The following PPP2R2C variants were observed in gnomAD, a reference collection of about 807,000 sequenced individuals.
The protein encoded by PPP2R2C is protein phosphatase 2 regulatory subunit Bgamma.
A neutral mutation model predicts 45.3 loss-of-function variants in PPP2R2C; 10 were observed. The observed-to-expected ratio is 0.22, with a 90% confidence interval of 0.14 to 0.37. The LOEUF (loss-of-function observed/expected upper bound fraction) is 0.37, where lower values mean the gene tolerates loss of function less well. PPP2R2C is among the 10% of genes least tolerant of loss of function. PPP2R2C has a pLI of 1.00. For synonymous variants in PPP2R2C, 257 were observed against 245.4 expected, an observed-to-expected ratio of 1.05 and a Z score of -0.44; for missense variants, 308 against 619.7, an observed-to-expected ratio of 0.50 and a Z score of 5.34.
intron 2 of PPP2R2C, among the ~76,000 whole-genome samples, chr4:6,516,305 G>A (rs551780800): frequency 1.5e-4 from 23 of 152,172 alleles, no homozygotes; most frequent in Admixed American, 3.3e-4. Context: ...AGAGTTTCTT[G>A]GCATTGCAGC....
At chr4:6,562,962 C>CAAAAAAAAAAAAAAAAAAAAAAAAAAAA (rs746793663) in intron 1 of PPP2R2C, among the ~76,000 whole-genome samples, 1 of 83,260 alleles carries the variant, frequency 1.2e-5, no homozygotes, top group African/African-American at 4.6e-5. Context: ...CCCTGCCAGC[C>CAAAAAAAAAAAAAAAAAAAAAAAAAAAA]AAAAAAAAAA....
At chr4:6,369,216 A>C (rs1033477203) in intron 5 of PPP2R2C, among the ~76,000 whole-genome samples, 3 of 152,226 alleles carry the variant, frequency 2.0e-5, no homozygotes, top group African/African-American at 7.2e-5. Flanking sequence ...GTCGCTCCTC[A>C]GTCACCAAGC....
intron 2 of PPP2R2C, among the ~76,000 whole-genome samples, chr4:6,500,523 A>C (rs1456122424): frequency 6.6e-6 from 1 of 152,210 alleles, no homozygotes; most frequent in Admixed American, 6.5e-5. Flanking sequence ...ATCCACTCCA[A>C]GCTGTCGGCC....
chr4:6,386,589 C>A (rs1328120604), intron 1 of PPP2R2C, among the ~76,000 whole-genome samples: 1 of 152,172 alleles, frequency 6.6e-6, no homozygotes, highest in Non-Finnish European at 1.5e-5. Context: ...TAACTGCTTG[C>A]AAATACAAAG....
At chr4:6,327,058 G>T (rs1223329913) in intron 8 of PPP2R2C, among the ~76,000 whole-genome samples, 2 of 152,152 alleles carry the variant, frequency 1.3e-5, no homozygotes, top group Admixed American at 1.3e-4. Flanking sequence ...CTGACCATGG[G>T]GCATGTTGTT....
At chr4:6,483,148 T>C (rs1352701470) in intron 2 of PPP2R2C, among the ~76,000 whole-genome samples, 3 of 116,288 alleles carry the variant, frequency 2.6e-5, no homozygotes, top group Admixed American at 8.0e-5. Context: ...GATAGATTGA[T>C]TGATTGATAG....
intron 1 of PPP2R2C, among the ~76,000 whole-genome samples, chr4:6,463,623 C>A (rs1178902233): frequency 2.0e-5 from 3 of 152,234 alleles, no homozygotes; most frequent in Non-Finnish European, 2.9e-5. Flanking sequence ...TAACTAACTG[C>A]CTCCTGGTCT....
Position 6,511,553 on chromosome 4 carries a change from T to TGATGGC in PPP2R2C, c.49+23717_49+23718insGCCATC, listed in dbSNP as rs1560593954. ...GTGGTGGTGGTGGTGGTGATGGTGGTGGTGGTGGTGGTGGTGGTGATGGCG... is the reference window on the plus strand; with the variant it reads ...GTGGTGGTGGTGGTGGTGATGGTGGTGATGGCGGTGGTGGTGGTGGTGGTGATGGCG... On this transcript the variant is annotated intron_variant, in intron 2 of 9. Transcript: ENST00000506140. 7.8e-4 allele frequency among the ~76,000 whole-genome samples: 29 copies of TGATGGC among 37,200 alleles called. 6 individuals carry two copies. Among genetic ancestry groups the TGATGGC allele is most frequent in the African/African-American group, 2.0e-3 (27 of 13,212 alleles). 24.4% of individuals were successfully genotyped at this position (37,200 alleles called of 152,430 possible).
intron 1 of PPP2R2C, among the ~76,000 whole-genome samples, chr4:6,546,057 C>T (rs748170527): frequency 6.6e-5 from 10 of 152,160 alleles, no homozygotes; most frequent in Non-Finnish European, 8.8e-5. Flanking sequence ...CGTGGCTAAA[C>T]GAGAAGGGCC....
intron 1 of PPP2R2C, among the ~76,000 whole-genome samples, chr4:6,461,254 G>A (rs1254375045): frequency 6.6e-6 from 1 of 152,190 alleles, no homozygotes; most frequent in African/African-American, 2.4e-5. Context: ...GGTTGAGTGA[G>A]GGTGTCTCCA....
intron 1 of PPP2R2C, among the ~76,000 whole-genome samples, chr4:6,543,312 C>T (rs997979974): frequency 2.6e-5 from 4 of 152,190 alleles, no homozygotes; most frequent in Non-Finnish European, 5.9e-5. Context: ...AGAGCACGTC[C>T]TAATCGACAC....
intron 5 of PPP2R2C, chr4:6,349,345 T>G (rs1289125516): frequency 1.0e-6 from 1 of 977,076 alleles, no homozygotes; most frequent in Non-Finnish European, 1.2e-6. Context: ...CAGCTATCCA[T>G]GCCTCAGCTT....
At chr4:6,325,947 G>A (rs550502554) in intron 8 of PPP2R2C, among the ~76,000 whole-genome samples, 1 of 152,338 alleles carries the variant, frequency 6.6e-6, no homozygotes, top group East Asian at 1.9e-4. Context: ...GGCTGCGGCA[G>A]GAGAAGTGTT....
intron 2 of PPP2R2C, among the ~76,000 whole-genome samples, chr4:6,509,769 C>A (rs1470309233): frequency 6.6e-6 from 1 of 152,194 alleles, no homozygotes; most frequent in East Asian, 1.9e-4. Context: ...GGGTGGCTTT[C>A]ACTCTCCGTG....
intron 5 of PPP2R2C, among the ~76,000 whole-genome samples, chr4:6,361,271 G>A (rs553367000): frequency 3.3e-5 from 5 of 152,204 alleles, no homozygotes; most frequent in South Asian, 2.1e-4. Context: ...AGCCCTGCAC[G>A]CTCTCTGTGT....
At chr4:6,430,539 G>A (rs1358056399) in intron 1 of PPP2R2C, among the ~76,000 whole-genome samples, 1 of 152,202 alleles carries the variant, frequency 6.6e-6, no homozygotes, top group Non-Finnish European at 1.5e-5. Context: ...GAGAGTGCAC[G>A]CCTCCTCGGT....
intron 6 of PPP2R2C, among the ~76,000 whole-genome samples, chr4:6,341,062 T>TG (rs1029490821): frequency 6.6e-5 from 10 of 152,086 alleles, no homozygotes; most frequent in Non-Finnish European, 1.0e-4. Flanking sequence ...CCCACTCAGG[T>TG]GGGGGGCGGT....
chr4:6,499,834 C>T (rs1722991055), intron 2 of PPP2R2C, among the ~76,000 whole-genome samples: 5 of 151,944 alleles, frequency 3.3e-5, no homozygotes, highest in South Asian at 2.1e-4. Flanking sequence ...CAGCTGCCTG[C>T]GCCCAAGGTC....
rs1393384077 is a variant in PPP2R2C, at chr4:6,345,170, C to A, written c.790+2676G>T. Among the ~76,000 whole-genome samples the A allele has an allele frequency of 6.6e-6, 1 of 152,196 alleles. No individual in the cohort carries two copies. ...CCCATCCTCCTTCCCACAGGGCTCA[C>A]ACGGGGTCAGCAGCGGACCAGGAGC... On this transcript the variant is annotated intron_variant, in intron 6 of 8. Transcript: ENST00000382599. The surrounding 1 kb of genome is among the most constrained non-coding windows in gnomAD (Gnocchi z 5.3).
Sources: allele counts gnomAD v4.1 joint callset (sites outside exome capture counted in the v4.1 genomes callset), GRCh38; gene constraint gnomAD v4.1.1; non-coding constraint Gnocchi (gnomAD v3.1); transcripts MANE v1.5; gene names NCBI Gene and HGNC (gene_info 2026-07-23, HGNC 2026-07-21).